The following SLC4A10 variants were observed in gnomAD, a reference collection of about 807,000 sequenced individuals.
SLC4A10 encodes the protein solute carrier family 4 member 10, also known as sodium-driven chloride bicarbonate exchanger.
A neutral mutation model predicts 137.7 loss-of-function variants in SLC4A10; 42 were observed. That is an observed-to-expected ratio of 0.30 (90% CI 0.24 to 0.39). The LOEUF (loss-of-function observed/expected upper bound fraction) is 0.39. SLC4A10 is among the 10% of genes least tolerant of loss of function. The pLI, the probability that SLC4A10 is intolerant of heterozygous loss-of-function variation, is 1.00. For synonymous variants in SLC4A10, 474 were observed against 464.1 expected (o/e 1.02, Z -0.27); for missense variants, 925 against 1,355.0 (o/e 0.68, Z 4.98).
intron 15 of SLC4A10, among the ~76,000 whole-genome samples, chr2:161,909,337 T>C (rs1685264530): frequency 6.6e-6 from 1 of 152,210 alleles, no homozygotes; most frequent in Non-Finnish European, 1.5e-5. Context: ...ATGTTTAAGT[T>C]TTCCTTGGAT....
intron 19 of SLC4A10, among the ~76,000 whole-genome samples, chr2:161,951,416 A>G (rs1309999255): frequency 6.6e-6 from 1 of 152,202 alleles, no homozygotes; most frequent in Non-Finnish European, 1.5e-5. Flanking sequence ...TCTTAGTTAC[A>G]TTCTGACCTT....
At chr2:161,727,722 A>G (rs1480561725) in intron 1 of SLC4A10, among the ~76,000 whole-genome samples, 1 of 152,152 alleles carries the variant, frequency 6.6e-6, no homozygotes, top group Non-Finnish European at 1.5e-5. Context: ...GAAAATTGAG[A>G]GGAAGGTGGA....
chr2:161,707,098 C>A (rs2043758635), intron 1 of SLC4A10, among the ~76,000 whole-genome samples: 1 of 151,368 alleles, frequency 6.6e-6, no homozygotes, highest in African/African-American at 2.4e-5. Context: ...GGATGAGTAC[C>A]TATTTTGATT....
chr2:161,835,439 T>G (rs2058705455), intron 3 of SLC4A10, among the ~76,000 whole-genome samples: 1 of 152,212 alleles, frequency 6.6e-6, no homozygotes, highest in South Asian at 2.1e-4. Flanking sequence ...TTTGAATGTT[T>G]AAGCAAACAC....
Position 161,983,931 on chromosome 2 carries a change from A to G in SLC4A10, c.*779A>G, listed in dbSNP as rs1250540153. Reference sequence around the variant, plus strand: ...AGGCTTGTACGAAATGCTTTAGAAAAACTTTGTAACAGTTTTGTGGGATTT... The same window carrying G: ...AGGCTTGTACGAAATGCTTTAGAAAGACTTTGTAACAGTTTTGTGGGATTT... On this transcript the variant is annotated 3_prime_UTR_variant, in exon 27 of 27. Coordinates refer to ENST00000446997, the MANE Select transcript of SLC4A10 (RefSeq NM_001178015.2). The G allele has an allele frequency of 6.6e-6, 1 of 152,230 alleles. No individual in the cohort carries two copies. Among genetic ancestry groups the G allele is most frequent in the Non-Finnish European group, 1.5e-5 (1 of 68,038 alleles). 9.4% of individuals were successfully genotyped at this position (152,230 alleles called of 1,614,324 possible). A position where few individuals can be genotyped will look rare whatever the true frequency, so the allele number is the denominator to read the frequency against.
intron 1 of SLC4A10, among the ~76,000 whole-genome samples, chr2:161,743,649 A>AT (rs919887235): frequency 1.6e-3 from 233 of 150,244 alleles, no homozygotes; most frequent in African/African-American, 5.3e-3. Flanking sequence ...ACATTTTTGG[A>AT]TTTTTTTTTC....
At chr2:161,783,979 G>T (rs947564446) in intron 2 of SLC4A10, among the ~76,000 whole-genome samples, 2 of 151,634 alleles carry the variant, frequency 1.3e-5, no homozygotes, top group Non-Finnish European at 3.0e-5. Context: ...ATGTATAATG[G>T]AATCACATGC....
intron 6 of SLC4A10, among the ~76,000 whole-genome samples, chr2:161,869,997 G>A (rs2061011711): frequency 6.6e-6 from 1 of 151,242 alleles, no homozygotes; most frequent in African/African-American, 2.4e-5. Context: ...TCTCAACTAG[G>A]TCATTATCAA....
At chr2:161,877,840 T>C (rs151213981) in intron 8 of SLC4A10, among the ~76,000 whole-genome samples, 22 of 152,176 alleles carry the variant, frequency 1.4e-4, no homozygotes, top group African/African-American at 4.8e-4. Flanking sequence ...ATAATGATTC[T>C]ATTTAATATT....
chr2:161,916,605 C>T (rs571016063), intron 15 of SLC4A10, among the ~76,000 whole-genome samples: 5 of 152,348 alleles, frequency 3.3e-5, no homozygotes, highest in African/African-American at 1.2e-4. Flanking sequence ...GGTATGGCTT[C>T]ATCTGTTCCC....
intron 1 of SLC4A10, among the ~76,000 whole-genome samples, chr2:161,726,609 CCTT>C (rs2046249295): frequency 6.6e-6 from 1 of 152,156 alleles, no homozygotes; most frequent in African/African-American, 2.4e-5. Flanking sequence ...GCACCAGGTA[CCTT>C]TGTAAGAGAG....
chr2:161,642,835 A>G (rs957977611), intron 1 of SLC4A10, among the ~76,000 whole-genome samples: 3 of 152,016 alleles, frequency 2.0e-5, no homozygotes, highest in African/African-American at 7.2e-5. Flanking sequence ...CTTAGTTAAA[A>G]TTCCCATTTT....
At position 161,855,073 on chromosome 2, in the gene SLC4A10, A is replaced by G; in HGVS notation, c.520A>G (p.Ile174Val). ...CAGCTTGTTTGAATTGAGAAGTTGT[A>G]TTCTGAATGGAACTGTGTTGCTGGA... Reference protein sequence around the residue: ...LHSLFELRSCILNGTVLLDMH... With the variant: ...LHSLFELRSCVLNGTVLLDMH... Residue 174 changes from isoleucine to valine, a missense_variant, in exon 5 of 27, where the codon ATT (isoleucine) becomes GTT (valine). By Grantham distance (29) the Ile-to-Val change is conservative. Around this residue, in one of 11 missense-constraint regions of SLC4A10, gnomAD observed 277 missense variants for 306.1 expected, o/e 0.90. Transcript: ENST00000446997. 2 of 1,613,500 alleles carry G rather than the reference A, an allele frequency of 1.2e-6. No homozygotes were observed. Among genetic ancestry groups the G allele is most frequent in the Non-Finnish European group, 1.7e-6 (2 of 1,179,596 alleles).
At chr2:161,885,968 A>G (rs1184385947) in intron 10 of SLC4A10, among the ~76,000 whole-genome samples, 1 of 151,982 alleles carries the variant, frequency 6.6e-6, no homozygotes, top group African/African-American at 2.4e-5. Flanking sequence ...TTAGCTGCAT[A>G]TAATCCCAGC....
At chr2:161,717,107 TTGGTGTATAGGAATAC>T (rs1448484368) in intron 1 of SLC4A10, among the ~76,000 whole-genome samples, 1 of 152,180 alleles carries the variant, frequency 6.6e-6, no homozygotes, top group Non-Finnish European at 1.5e-5. Context: ...TTGTCTGTTG[TTGGTGTATAGGAATAC>T]CTGTGATTTT....
chr2:161,794,973 AC>A (rs943801048), intron 2 of SLC4A10, among the ~76,000 whole-genome samples: 22 of 151,938 alleles, frequency 1.4e-4, no homozygotes, highest in African/African-American at 5.1e-4. Context: ...CAAAAAAAAA[AC>A]ATTGAAAAAT....
chr2:161,682,398 G>T (rs569719077), intron 1 of SLC4A10, among the ~76,000 whole-genome samples: 3 of 152,176 alleles, frequency 2.0e-5, no homozygotes, highest in Admixed American at 6.6e-5. Context: ...TATGAGAATC[G>T]TAAGTATTGC....
chr2:161,841,417 CT>C (rs2059174816), intron 4 of SLC4A10, among the ~76,000 whole-genome samples: 1 of 152,126 alleles, frequency 6.6e-6, no homozygotes, highest in Non-Finnish European at 1.5e-5. Flanking sequence ...ATCTCTTCCA[CT>C]GTAGGACAGC....
chr2:161,648,096 T>C (rs10803779), intron 1 of SLC4A10, among the ~76,000 whole-genome samples: 1 of 151,932 alleles, frequency 6.6e-6, no homozygotes, highest in Non-Finnish European at 1.5e-5. Flanking sequence ...AAGAAAAAAT[T>C]TTAAACAAAA....
Sources: gnomAD v4.1 joint callset for allele counts (sites outside exome capture counted in the v4.1 genomes callset) on GRCh38, gnomAD v4.1.1 for gene constraint, gnomAD v4.1.1 regional missense constraint, MANE v1.5 for transcripts, NCBI Gene and HGNC (gene_info 2026-07-23, HGNC 2026-07-21) for gene names.